Variants in USH2A observed in about 807,000 individuals in gnomAD.
The protein encoded by USH2A is usherin.
In USH2A, 443 loss-of-function variants were observed where a neutral mutation model predicts 538.9. That is an observed-to-expected ratio of 0.82 (90% CI 0.76 to 0.89). The LOEUF (loss-of-function observed/expected upper bound fraction) is 0.89, where lower values mean the gene tolerates loss of function less well. Among genes scored for constraint, USH2A ranks in the 40% least tolerant of loss-of-function variants. USH2A has a pLI of 0.00. For missense variants in USH2A, 6,633 were observed against 6,324.8 expected (o/e 1.05, Z -1.65); for synonymous variants, 2,413 against 2,273.5 (o/e 1.06, Z -1.75).
chr1:215,826,862 A>T (rs1663171497), intron 47 of USH2A, among the ~76,000 whole-genome samples: 1 of 152,220 alleles, frequency 6.6e-6, no homozygotes, highest in African/African-American at 2.4e-5. Context: ...GGAGAAGAGT[A>T]ACATATATGA....
chr1:216,316,695 C>A lies in USH2A; in HGVS notation c.1644+5188G>T, dbSNP rs563152137. On this transcript the variant is annotated intron_variant, in intron 9 of 71. Transcript: ENST00000307340. ...TAATCGCCATTCTGACTGGCATGAGCTGGTATCTCATTGTGGTTTTGATAT... is the reference window on the plus strand; with the variant it reads ...TAATCGCCATTCTGACTGGCATGAGATGGTATCTCATTGTGGTTTTGATAT... 7.9e-5 allele frequency among the ~76,000 whole-genome samples: 12 copies of A among 152,210 alleles called. No individual in the cohort carries two copies. In the South Asian group the frequency reaches 2.5e-3, roughly 32 times the overall value.
Position 215,888,482 on chromosome 1 carries a change from G to C in USH2A, c.8167C>G (p.Arg2723Gly). The C allele has an allele frequency of 6.2e-7, 1 of 1,613,984 alleles. No individual in the cohort carries two copies. The highest frequency in any genetic ancestry group is 1.1e-5 in the South Asian group (1 of 91,072). Reference protein sequence around the residue: ...AWVEVTTRPSRPAGVQPPVVT... With the variant: ...AWVEVTTRPSGPAGVQPPVVT... Reference sequence around the variant, plus strand: ...ACAGGTGGCTGCACCCCAGCAGGTCGTGAGGGTCTTGTGGTAACTTCTACC... The same window carrying C: ...ACAGGTGGCTGCACCCCAGCAGGTCCTGAGGGTCTTGTGGTAACTTCTACC... The change falls in exon 41 of 72, where the codon CGA becomes GGA. Residue 2723 changes from arginine to glycine, a missense_variant. Coordinates refer to ENST00000307340, the MANE Select transcript of USH2A (RefSeq NM_206933.4).
chr1:215,909,576 A>C (rs1432248769), intron 38 of USH2A, among the ~76,000 whole-genome samples: 1 of 151,918 alleles, frequency 6.6e-6, no homozygotes, highest in Non-Finnish European at 1.5e-5. Context: ...TGTGAACCTA[A>C]AGCTGCTCTT....
At chr1:216,313,980 T>C (rs2037465499) in intron 9 of USH2A, among the ~76,000 whole-genome samples, 1 of 152,190 alleles carries the variant, frequency 6.6e-6, no homozygotes, top group African/African-American at 2.4e-5. Context: ...CAGATTTCTG[T>C]CTTTCTGGCT....
At chr1:215,625,928 CA>C in intron 71 of USH2A, 58 bp from the exon 72 acceptor site, 1 of 1,496,754 alleles carries the variant, frequency 6.7e-7, no homozygotes, top group East Asian at 2.3e-5. Context: ...TATTTGCTAT[CA>C]ATTTATAGTT....
At chr1:215,739,110 C>T (rs902666813) in intron 60 of USH2A, among the ~76,000 whole-genome samples, 8 of 152,146 alleles carry the variant, frequency 5.3e-5, no homozygotes, top group African/African-American at 1.9e-4. Context: ...TTTCATTTCA[C>T]TTTAAATAAA....
chr1:216,014,542 A>C (rs1668660410), intron 32 of USH2A, among the ~76,000 whole-genome samples: 1 of 152,334 alleles, frequency 6.6e-6, no homozygotes, highest in African/African-American at 2.4e-5. Flanking sequence ...CACAAATCTG[A>C]GTTGGGTAAA....
At chr1:215,834,794 T>A (rs1663429411) in intron 47 of USH2A, among the ~76,000 whole-genome samples, 1 of 151,796 alleles carries the variant, frequency 6.6e-6, no homozygotes, top group Non-Finnish European at 1.5e-5. Flanking sequence ...ATTTTCTCCC[T>A]CTTTTCCTTT....
intron 21 of USH2A, among the ~76,000 whole-genome samples, chr1:216,126,438 T>G (rs928103577): frequency 6.6e-6 from 1 of 152,154 alleles, no homozygotes; most frequent in Admixed American, 6.5e-5. Flanking sequence ...CTGGCCAGGC[T>G]GGTCTTGAAC....
At chr1:216,056,412 A>C (rs2030975507) in intron 30 of USH2A, among the ~76,000 whole-genome samples, 1 of 152,170 alleles carries the variant, frequency 6.6e-6, no homozygotes, top group Non-Finnish European at 1.5e-5. Context: ...TGTACAGAGG[A>C]GGCTGCTTTT....
intron 47 of USH2A, among the ~76,000 whole-genome samples, chr1:215,837,430 A>T (rs912102609): frequency 6.6e-6 from 1 of 152,156 alleles, no homozygotes; most frequent in Non-Finnish European, 1.5e-5. Context: ...ACCAAATATT[A>T]TTATTATTGT....
chr1:215,995,390 ATTATT>A (rs1429282817), intron 34 of USH2A, among the ~76,000 whole-genome samples: 1 of 152,216 alleles, frequency 6.6e-6, no homozygotes, highest in Non-Finnish European at 1.5e-5. Flanking sequence ...TTACCTGCAA[ATTATT>A]TTATTTTGTT....
At chr1:216,164,659 CAA>C (rs1245264740) in intron 21 of USH2A, among the ~76,000 whole-genome samples, 1 of 151,854 alleles carries the variant, frequency 6.6e-6, no homozygotes, top group African/African-American at 2.4e-5. Flanking sequence ...ACAATGACAA[CAA>C]AAAACAGGTC....
At chr1:215,989,445 T>C (rs912111805) in intron 35 of USH2A, among the ~76,000 whole-genome samples, 3 of 152,144 alleles carry the variant, frequency 2.0e-5, no homozygotes, top group African/African-American at 7.2e-5. Flanking sequence ...TTTATATGGA[T>C]ATTTTCCCCG....
intron 43 of USH2A, 117 bp from the exon 44 acceptor site, chr1:215,867,287 A>G (rs781227838): frequency 9.0e-7 from 1 of 1,110,616 alleles, no homozygotes; most frequent in Non-Finnish European, 1.3e-6. Context: ...TCTACAAAAT[A>G]CTGTTTTCTT....
rs541384765 is a variant in USH2A, at chr1:216,375,955, T to C, written c.652-10870A>G. Among the ~76,000 whole-genome samples, 9 of 152,262 alleles carry C rather than the reference T, an allele frequency of 5.9e-5. No homozygotes were observed. The South Asian group carries it at 1.4e-3, about 25-fold the overall frequency. ...GAACATTCTGTCGGTGGAGAAGTCA[T>C]AACACACACAACATTTATTGGTTAA... On this transcript the variant is annotated intron_variant, in intron 3 of 71. Coordinates refer to ENST00000307340, the MANE Select transcript of USH2A (RefSeq NM_206933.4).
chr1:216,410,669 C>T (rs1039299748), intron 3 of USH2A, among the ~76,000 whole-genome samples: 2 of 152,040 alleles, frequency 1.3e-5, no homozygotes, highest in African/African-American at 2.4e-5. Context: ...TTCATATGTG[C>T]TCCACATCCA....
chr1:216,151,741 A>C (rs964566880), intron 21 of USH2A, among the ~76,000 whole-genome samples: 1 of 152,016 alleles, frequency 6.6e-6, no homozygotes, highest in Non-Finnish European at 1.5e-5. Context: ...TTTTTACCTA[A>C]ATCAATCTGG....
intron 4 of USH2A, among the ~76,000 whole-genome samples, chr1:216,353,443 G>A (rs2038324962): frequency 6.6e-6 from 1 of 151,978 alleles, no homozygotes; most frequent in South Asian, 2.1e-4. Flanking sequence ...AATATTAGCA[G>A]TAAACAGATT....
Sources: allele counts gnomAD v4.1 joint callset (sites outside exome capture counted in the v4.1 genomes callset), GRCh38; gene constraint gnomAD v4.1.1; transcripts MANE v1.5; gene names NCBI Gene and HGNC (gene_info 2026-07-23, HGNC 2026-07-21).